RBM43: variants seen among roughly 807,000 people sequenced by gnomAD.
RBM43 encodes RNA-binding protein 43.
A neutral mutation model predicts 12.4 loss-of-function variants in RBM43; 12 were observed. The ratio of observed to expected loss-of-function variants is 0.97; its 90% CI spans 0.62 to 1.57. RBM43 has a LOEUF of 1.57. RBM43 is among the 40% of genes most tolerant of loss of function. RBM43 has a pLI of 0.00. For synonymous variants in RBM43, 138 were observed against 145.7 expected, an observed-to-expected ratio of 0.95 and a Z score of 0.38; for missense variants, 348 against 400.1, an observed-to-expected ratio of 0.87 and a Z score of 1.11.
rs376270970 is a variant in RBM43, at chr2:151,255,596, C to G, written c.151G>C (p.Glu51Gln). ...QDIKNEGGDV[E>Q]DVIYPTRTKG... ...GTTCTTGTCGGATATATCACATCTT[C>G]AACATCTCCGCCCTCATTCTTAATG... The change falls in exon 2 of 4, where the codon GAA (glutamate) becomes CAA (glutamine). Residue 51 changes from glutamate to glutamine, a missense_variant. By Grantham distance (29) the Glu-to-Gln change is conservative. Transcript: ENST00000331426. The G allele has an allele frequency of 1.4e-4, 230 of 1,613,894 alleles. No individual in the cohort carries two copies. In the East Asian group the frequency reaches 4.7e-3, roughly 33 times the overall value.
chr2:151,260,508 C>G (rs910690457), intron 1 of RBM43, among the ~76,000 whole-genome samples: 3 of 152,040 alleles, frequency 2.0e-5, no homozygotes, highest in African/African-American at 7.3e-5. Flanking sequence ...TTTCTTTATT[C>G]GAATGTCTAC....
chr2:151,257,411 G>A (rs1303900187), intron 1 of RBM43, among the ~76,000 whole-genome samples: 1 of 152,152 alleles, frequency 6.6e-6, no homozygotes, highest in Non-Finnish European at 1.5e-5. Context: ...TAAAAAGAAG[G>A]CCAGGCACGG....
intron 3 of RBM43, 93 bp downstream of exon 3, chr2:151,252,662 A>T: frequency 1.4e-6 from 1 of 689,740 alleles, no homozygotes; most frequent in Non-Finnish European, 2.6e-6. Flanking sequence ...GAAGTCATGG[A>T]GTGAGAGCAC....
rs1406424660 is a variant in RBM43 at position 151,249,709 on chromosome 2, T to C, written c.*1197A>G. 1 of 152,140 alleles carries C rather than the reference T, an allele frequency of 6.6e-6. No homozygotes were observed. Among genetic ancestry groups the C allele is most frequent in the Non-Finnish European group, 1.5e-5 (1 of 68,042 alleles). 9.4% of individuals were successfully genotyped at this position (152,140 alleles called of 1,614,324 possible). ...ACTTGTGATCTTAAGAGAAAGTTCA[T>C]TGGTATTAGTAAAGCCCTGGGGAGC... On this transcript the variant is annotated 3_prime_UTR_variant, in exon 4 of 4. Transcript: ENST00000331426.
At chr2:151,261,531 T>C (rs1049036218) in intron 1 of RBM43, 194 bp downstream of exon 1, 38 of 1,546,692 alleles carry the variant, frequency 2.5e-5, no homozygotes, top group East Asian at 7.3e-5. Flanking sequence ...GCAGCGAGGC[T>C]GACCTGAGTT....
chr2:151,251,470 T>C lies in RBM43; in HGVS notation c.510A>G (p.Ala170=). ...KRLRESLLAR[A]CSLLEKDRNF... ...TTCTGTCTTTTTCTAAGAGAGAACA[T>C]GCTCTTGCTAGCAAAGATTCTCTGA... is the stretch of plus-strand genomic sequence containing the variant. The change falls in exon 4 of 4, where the codon GCA becomes GCG. Residue 170 remains alanine (A), a synonymous_variant. Coordinates refer to ENST00000331426, the MANE Select transcript of RBM43 (RefSeq NM_198557.3). The C allele has an allele frequency of 6.2e-7, 1 of 1,614,148 alleles. No homozygotes were observed. The highest frequency in any genetic ancestry group is 8.5e-7 in the Non-Finnish European group (1 of 1,179,968).
rs1682856058 is a variant in RBM43 at position 151,248,990 on chromosome 2, A to C, written c.*1916T>G. On this transcript the variant is annotated 3_prime_UTR_variant, in exon 4 of 4. Coordinates refer to ENST00000331426, the MANE Select transcript of RBM43 (RefSeq NM_198557.3). ...TTCTACCCAACAGATCTACCAAACA[A>C]GAGGGGGAAAGACCTCTCCCTAATC... 6.6e-6 allele frequency: 1 copy of C among 152,216 alleles called. No homozygotes were observed. The highest frequency in any genetic ancestry group is 2.4e-5 in the African/African-American group (1 of 41,448). The allele number at this position is 152,216 out of a possible 1,614,324, so 9.4% of individuals were successfully genotyped here. A position where few individuals can be genotyped will look rare whatever the true frequency, so the allele number is the denominator to read the frequency against.
intron 1 of RBM43, among the ~76,000 whole-genome samples, chr2:151,260,656 G>A (rs1438019810): frequency 6.6e-6 from 1 of 152,160 alleles, no homozygotes; most frequent in Non-Finnish European, 1.5e-5. Context: ...TCAATGACTT[G>A]CCAATATTTG....
Position 151,251,474 on chromosome 2 carries a change from C to T in RBM43, c.506G>A (p.Arg169Lys), listed in dbSNP as rs1043058745. Residue 169 changes from arginine (R) to lysine (K), a missense_variant, in exon 4 of 4, where the codon AGA (arginine) becomes AAA (lysine). By Grantham distance (26) the Arg-to-Lys change is conservative. Coordinates refer to ENST00000331426, the MANE Select transcript of RBM43 (RefSeq NM_198557.3). ...VKRLRESLLA[R>K]ACSLLEKDRN... ...GTCTTTTTCTAAGAGAGAACATGCT[C>T]TTGCTAGCAAAGATTCTCTGAGCCT... is the stretch of plus-strand genomic sequence containing the variant. 3.1e-6 allele frequency: 5 copies of T among 1,614,058 alleles called. No homozygotes were observed. In the African/African-American group the frequency reaches 4.0e-5, roughly 13 times the overall value.
Sources: allele counts gnomAD v4.1 joint callset (sites outside exome capture counted in the v4.1 genomes callset), GRCh38; gene constraint gnomAD v4.1.1; transcripts MANE v1.5; gene names NCBI Gene and HGNC (gene_info 2026-07-23, HGNC 2026-07-21).